KLHL29: variants seen among roughly 807,000 people sequenced by gnomAD.
KLHL29 encodes the protein kelch like family member 29, also known as kelch-like protein 29.
Under a neutral mutation model 80.4 loss-of-function variants are expected in KLHL29, and 21 were observed. That is an observed-to-expected ratio of 0.26 (90% confidence interval 0.19 to 0.38). The LOEUF (loss-of-function observed/expected upper bound fraction) is 0.38, where lower values mean the gene tolerates loss of function less well. Ranked by LOEUF, KLHL29 falls within the 10% of genes least tolerant of loss-of-function variation. KLHL29 has a pLI of 1.00. For synonymous variants in KLHL29, 511 were observed against 526.8 expected (o/e 0.97, Z 0.41); for missense variants, 867 against 1,223.9 (o/e 0.71, Z 4.35).
At position 23,562,274 on chromosome 2, in the gene KLHL29, G is replaced by C. The variant is rs1357477228; in HGVS notation, c.78G>C (p.Thr26=). The C allele has an allele frequency of 6.5e-7, 1 of 1,549,084 alleles. No homozygotes were observed. The highest frequency in any genetic ancestry group is 8.7e-7 in the Non-Finnish European group (1 of 1,146,106). ...WDRREWSVNG[T]HGTTSICSVT... The stretch of plus-strand genomic sequence containing the variant: ...GCCGCGAATGGAGCGTCAACGGGAC[G>C]CATGGGACCACCAGCATCTGCAGTG... The change falls in exon 3 of 14, where the codon ACG becomes ACC. Residue 26 remains threonine, a synonymous_variant. Transcript: ENST00000486442. The surrounding 1 kb of genome is among the most constrained non-coding windows in gnomAD (Gnocchi z 4.5).
chr2:23,461,372 C>T (rs1329450005), intron 1 of KLHL29, among the ~76,000 whole-genome samples: 1 of 152,192 alleles, frequency 6.6e-6, no homozygotes, highest in African/African-American at 2.4e-5. Flanking sequence ...TAGATTTGAG[C>T]AGCCACAGGA....
chr2:23,691,976 CA>C, intron 7 of KLHL29, 100 bp downstream of exon 7: 1 of 1,169,944 alleles, frequency 8.5e-7, no homozygotes, highest in Non-Finnish European at 1.2e-6. Context: ...TGTGTGTGCA[CA>C]CCTGAAGCTC....
At chr2:23,620,819 G>A (rs1333944482) in intron 3 of KLHL29, among the ~76,000 whole-genome samples, 1 of 152,224 alleles carries the variant, frequency 6.6e-6, no homozygotes, top group African/African-American at 2.4e-5. Flanking sequence ...CATTGAAAGA[G>A]AGAAGGCCAA....
rs891253934 is a variant in KLHL29 at position 23,457,741 on chromosome 2, C to T, written c.-153-17819C>T. On this transcript the variant is annotated intron_variant, in intron 1 of 13. Coordinates refer to ENST00000486442, the MANE Select transcript of KLHL29 (RefSeq NM_052920.2). The surrounding 1 kb of genome is among the most constrained non-coding windows in gnomAD (Gnocchi z 4.3). ...TCTAAAGAAAACGTAAGGCCGGGCG[C>T]GGTGGCTCACACCTGTAATCCCAGC... Among the ~76,000 whole-genome samples the T allele has an allele frequency of 9.9e-5, 15 of 152,136 alleles. No individual in the cohort carries two copies. The highest frequency in any genetic ancestry group is 6.5e-4 in the Admixed American group (10 of 15,282).
chr2:23,408,263 T>TAAAAAAAAAAAAA lies in KLHL29; in HGVS notation c.-154+22509_-154+22521dup, dbSNP rs55790582. 4.4e-4 allele frequency among the ~76,000 whole-genome samples: 23 copies of TAAAAAAAAAAAAA among 52,688 alleles called. 2 individuals carry two copies. Among genetic ancestry groups the TAAAAAAAAAAAAA allele is most frequent in the African/African-American group, 6.4e-4 (10 of 15,686 alleles). The allele number at this position is 52,688 out of a possible 152,430, so 34.6% of individuals were successfully genotyped here. ...GAGGAAATTTAGAAGCATTTCACGC[T>TAAAAAAAAAAAAA]AAAAAAAAAAAAAAAAAAAAAAAAA... On this transcript the variant is annotated intron_variant, in intron 1 of 13. Coordinates refer to ENST00000486442, the MANE Select transcript of KLHL29 (RefSeq NM_052920.2).
chr2:23,662,634 G>A (rs190618396), intron 5 of KLHL29, among the ~76,000 whole-genome samples: 5 of 152,182 alleles, frequency 3.3e-5, no homozygotes, highest in Admixed American at 1.3e-4. Flanking sequence ...AGCCCTGCCC[G>A]GCCCCCACTT....
intron 5 of KLHL29, among the ~76,000 whole-genome samples, chr2:23,675,580 G>A (rs1670898069): frequency 6.6e-6 from 1 of 152,208 alleles, no homozygotes; most frequent in Non-Finnish European, 1.5e-5. Context: ...TCTGCAGAGC[G>A]ACCTCAAGGG....
At chr2:23,556,936 C>G (rs1667313442) in intron 2 of KLHL29, among the ~76,000 whole-genome samples, 1 of 152,224 alleles carries the variant, frequency 6.6e-6, no homozygotes, top group Admixed American at 6.5e-5. Flanking sequence ...AAGCACTAAC[C>G]CCACCCAGGT....
intron 2 of KLHL29, among the ~76,000 whole-genome samples, chr2:23,512,697 C>G (rs1665810030): frequency 6.6e-6 from 1 of 152,168 alleles, no homozygotes; most frequent in Non-Finnish European, 1.5e-5. Context: ...ATCTATATAG[C>G]TCAGTGATTT....
rs1337981782 is a variant in KLHL29, at chr2:23,700,089, A to C, written c.2106-3097A>C. Among the ~76,000 whole-genome samples the C allele has an allele frequency of 6.6e-6, 1 of 152,172 alleles. No homozygotes were observed. The highest frequency in any genetic ancestry group is 2.4e-5 in the African/African-American group (1 of 41,444). The stretch of plus-strand genomic sequence containing the variant: ...CCTCTGCACTTTGGATTCCATTTGC[A>C]TCCACCTCCTGGAAGCCTTCCATCA... On this transcript the variant is annotated intron_variant, in intron 11 of 13. Coordinates refer to ENST00000486442, the MANE Select transcript of KLHL29 (RefSeq NM_052920.2). This position sits in a 1 kb window ranked among gnomAD's most constrained non-coding sequence, Gnocchi z 4.6.
intron 3 of KLHL29, among the ~76,000 whole-genome samples, chr2:23,597,383 G>GTGTA (rs1444343783): frequency 4.2e-5 from 1 of 23,588 alleles, no homozygotes; most frequent in Non-Finnish European, 8.6e-5. Flanking sequence ...GTGTGTGTGT[G>GTGTA]TATATATATA....
chr2:23,544,363 G>T (rs1203107342), intron 2 of KLHL29, among the ~76,000 whole-genome samples: 1 of 152,220 alleles, frequency 6.6e-6, no homozygotes, highest in Non-Finnish European at 1.5e-5. Context: ...CGCTGCCTGG[G>T]CGTGAATCCT....
At chr2:23,430,232 C>T (rs1663130731) in intron 1 of KLHL29, among the ~76,000 whole-genome samples, 1 of 152,196 alleles carries the variant, frequency 6.6e-6, no homozygotes, top group Admixed American at 6.5e-5. Context: ...TGCCATCCTG[C>T]ACTTCCAGCA....
chr2:23,670,895 G>T (rs550934873), intron 5 of KLHL29, among the ~76,000 whole-genome samples: 20 of 126,442 alleles, frequency 1.6e-4, no homozygotes, highest in African/African-American at 5.4e-4. Flanking sequence ...GAGAAGGGAG[G>T]GGTCTCTACA....
At chr2:23,479,834 A>G (rs544731862) in intron 2 of KLHL29, among the ~76,000 whole-genome samples, 8 of 152,268 alleles carry the variant, frequency 5.3e-5, no homozygotes, top group Middle Eastern at 3.4e-3. Flanking sequence ...CTCACTGAGG[A>G]CAGGGATCAT....
Position 23,385,487 on chromosome 2 carries a change from G to T in KLHL29, c.-447G>T. The T allele has an allele frequency of 5.8e-6, 1 of 173,066 alleles. No homozygotes were observed. Among genetic ancestry groups the T allele is most frequent in the Non-Finnish European group, 1.4e-5 (1 of 73,914 alleles). The allele number at this position is 173,066 out of a possible 1,614,324, so 10.7% of individuals were successfully genotyped here. On this transcript the variant is annotated 5_prime_UTR_variant, in exon 1 of 14. Coordinates refer to ENST00000486442, the MANE Select transcript of KLHL29 (RefSeq NM_052920.2). ...CCGCCGCCTCGATGAGAGCCGCGCCGCACCGCTCATAGCCGCACAGGCTGA... is the reference window on the plus strand; with the variant it reads ...CCGCCGCCTCGATGAGAGCCGCGCCTCACCGCTCATAGCCGCACAGGCTGA...
chr2:23,483,264 G>C (rs1353936527), intron 2 of KLHL29, among the ~76,000 whole-genome samples: 1 of 152,208 alleles, frequency 6.6e-6, no homozygotes, highest in Non-Finnish European at 1.5e-5. Context: ...GTGAGTTAAA[G>C]CTGGAAATTG....
chr2:23,556,486 A>AC (rs1427037376), intron 2 of KLHL29, among the ~76,000 whole-genome samples: 2 of 151,636 alleles, frequency 1.3e-5, no homozygotes, highest in African/African-American at 4.9e-5. Context: ...CAAAAAAAAA[A>AC]CAAAAAAAAT....
rs1181808728 is a variant in KLHL29 at position 23,633,756 on chromosome 2, C to CGTGTGTGT, written c.286-5354_286-5347dup. 4.6e-3 allele frequency among the ~76,000 whole-genome samples: 670 copies of CGTGTGTGT among 147,214 alleles called. 2 individuals carry two copies. The highest frequency in any genetic ancestry group is 0.011 in the African/African-American group (423 of 39,154). On this transcript the variant is annotated intron_variant, in intron 3 of 13. Coordinates refer to ENST00000486442, the MANE Select transcript of KLHL29 (RefSeq NM_052920.2). ...TCTCTGTCAAAAGAGTCACAGCACT[C>CGTGTGTGT]GTGTGTGTGTGTGTGTGTGTGTGTG...
Sources: gnomAD v4.1 joint callset for allele counts (sites outside exome capture counted in the v4.1 genomes callset) on GRCh38, gnomAD v4.1.1 for gene constraint, Gnocchi (gnomAD v3.1) non-coding constraint, MANE v1.5 for transcripts, NCBI Gene and HGNC (gene_info 2026-07-23, HGNC 2026-07-21) for gene names.